The following LOXHD1 variants were observed in gnomAD, a reference collection of about 807,000 sequenced individuals.
LOXHD1 encodes the protein lipoxygenase homology PLAT domains 1.
Under a neutral mutation model 248.2 loss-of-function variants are expected in LOXHD1, and 205 were observed. The observed-to-expected ratio is 0.83, with a 90% CI of 0.74 to 0.93. The LOEUF is 0.93. Ranked by LOEUF, LOXHD1 falls within the 40% of genes least tolerant of loss-of-function variation. The pLI, the probability that LOXHD1 is intolerant of heterozygous loss-of-function variation, is 0.00. For synonymous variants in LOXHD1, 1,113 were observed against 1,162.8 expected, an observed-to-expected ratio of 0.96 and a Z score of 0.87; for missense variants, 2,930 against 2,971.6, an observed-to-expected ratio of 0.99 and a Z score of 0.33.
At position 46,642,038 on chromosome 18, in the gene LOXHD1, T is replaced by C. The variant is rs763062406; in HGVS notation, c.246-2A>G. 12 of 1,552,066 alleles carry C rather than the reference T, an allele frequency of 7.7e-6. No homozygotes were observed. The highest frequency in any genetic ancestry group is 1.0e-5 in the Non-Finnish European group (12 of 1,147,032). On this transcript the variant is annotated splice_acceptor_variant, in intron 2 of 40. Coordinates refer to ENST00000642948, the MANE Select transcript of LOXHD1 (RefSeq NM_001384474.1). LOFTEE classifies it high-confidence loss of function. ...CCCTTCTCAAAGGCAGACTTGCTCC[T>C]GCAATGAACACGTGCAGTTAGTGCA...
At chr18:46,555,031 C>A in intron 21 of LOXHD1, 2 of 414,658 alleles carry the variant, frequency 4.8e-6, no homozygotes, top group Non-Finnish European at 1.0e-5. Flanking sequence ...GGGACAAGTA[C>A]TGACAGGCAT....
In LOXHD1 at chr18:46,560,338, G is replaced by T. The variant is rs997603211; in HGVS notation, c.2806C>A (p.Leu936Met). 6.4e-7 allele frequency: 1 copy of T among 1,551,898 alleles called. No individual in the cohort carries two copies. The highest frequency in any genetic ancestry group is 1.4e-5 in the African/African-American group (1 of 73,002). The change falls in exon 19 of 41, where the codon CTG becomes ATG. Residue 936 changes from leucine (L) to methionine (M), a missense_variant. Leu to Met is a conservative substitution (Grantham distance 15). Coordinates refer to ENST00000642948, the MANE Select transcript of LOXHD1 (RefSeq NM_001384474.1). ...LLKKERLKAK[L>M]QRKKKKRKGS... The stretch of plus-strand genomic sequence containing the variant: ...TTCCTCTTCTTCTTCTTCCTCTGCA[G>T]CTTGGCCTTCAGCCGCTCCTTCTTG...
At chr18:46,503,025 G>A (rs2034333535) in intron 37 of LOXHD1, among the ~76,000 whole-genome samples, 1 of 152,248 alleles carries the variant, frequency 6.6e-6, no homozygotes, top group Non-Finnish European at 1.5e-5. Context: ...GCTCTCTGGG[G>A]GGAGTCTCAA....
intron 37 of LOXHD1, among the ~76,000 whole-genome samples, chr18:46,495,109 C>T (rs2033772443): frequency 6.6e-6 from 1 of 152,178 alleles, no homozygotes; most frequent in Non-Finnish European, 1.5e-5. Flanking sequence ...CAGCCTCGGC[C>T]TCCCAAAGTG....
chr18:46,501,431 G>T (rs935195326), intron 37 of LOXHD1, among the ~76,000 whole-genome samples: 1 of 152,136 alleles, frequency 6.6e-6, no homozygotes, highest in Non-Finnish European at 1.5e-5. Context: ...ATAGTGGTTG[G>T]TCCTCAAGCT....
At chr18:46,642,707 A>G (rs1341597416) in intron 2 of LOXHD1, among the ~76,000 whole-genome samples, 1 of 152,246 alleles carries the variant, frequency 6.6e-6, no homozygotes, top group Non-Finnish European at 1.5e-5. Context: ...GAGCATCCTA[A>G]GTACAGTGAG....
intron 39 of LOXHD1, 101 bp downstream of exon 39, chr18:46,484,918 G>A (rs1237772532): frequency 2.1e-6 from 3 of 1,396,706 alleles, no homozygotes; most frequent in Non-Finnish European, 2.9e-6. Flanking sequence ...TGCTGGTTAG[G>A]CCCATTTGTG....
intron 21 of LOXHD1, among the ~76,000 whole-genome samples, chr18:46,548,489 AG>A (rs745756392): frequency 5.9e-5 from 9 of 152,256 alleles, no homozygotes; most frequent in African/African-American, 9.6e-5. Flanking sequence ...ATGGATTTAA[AG>A]GAGCTCGACC....
intron 12 of LOXHD1, among the ~76,000 whole-genome samples, chr18:46,580,081 G>A (rs886361413): frequency 6.6e-5 from 10 of 152,208 alleles, no homozygotes; most frequent in African/African-American, 2.4e-4. Context: ...AGTATCCTCT[G>A]GGAAACTTTT....
chr18:46,540,715 T>A (rs986031291), intron 25 of LOXHD1, among the ~76,000 whole-genome samples: 4 of 136,984 alleles, frequency 2.9e-5, no homozygotes, highest in Non-Finnish European at 6.1e-5. Context: ...GAGAAATGGA[T>A]ACGTTTGTCC....
chr18:46,565,866 G>A (rs1157973018), intron 17 of LOXHD1, among the ~76,000 whole-genome samples: 1 of 151,856 alleles, frequency 6.6e-6, no homozygotes, highest in African/African-American at 2.4e-5. Context: ...CCATGGATGT[G>A]GAGGGCTGAC....
At chr18:46,500,340 G>A (rs537830263) in intron 37 of LOXHD1, among the ~76,000 whole-genome samples, 1 of 152,286 alleles carries the variant, frequency 6.6e-6, no homozygotes, top group African/African-American at 2.4e-5. Context: ...CATCACAGAT[G>A]TCACTCAGGC....
At chr18:46,563,002 A>G in intron 18 of LOXHD1, 63 bp downstream of exon 18, 2 of 1,498,946 alleles carry the variant, frequency 1.3e-6, no homozygotes, top group Non-Finnish European at 1.8e-6. Context: ...TAGTACACCC[A>G]GGGAAGCATC....
At chr18:46,594,214 A>T in intron 9 of LOXHD1, 117 bp downstream of exon 9, 2 of 1,332,676 alleles carry the variant, frequency 1.5e-6, no homozygotes, top group Non-Finnish European at 2.0e-6. Context: ...TCCTTTCTGG[A>T]GGAGACTTGA....
intron 15 of LOXHD1, among the ~76,000 whole-genome samples, chr18:46,570,794 T>C (rs955252895): frequency 2.0e-5 from 3 of 152,226 alleles, no homozygotes; most frequent in African/African-American, 7.2e-5. Flanking sequence ...GTTTACAAAT[T>C]TGTGTTGGGC....
At chr18:46,512,234 C>T (rs1205249641) in intron 34 of LOXHD1, among the ~76,000 whole-genome samples, 2 of 152,142 alleles carry the variant, frequency 1.3e-5, no homozygotes, top group Non-Finnish European at 2.9e-5. Context: ...TGAAGACTGG[C>T]CTTTAGAGAT....
At chr18:46,614,284 G>A (rs1449472394) in intron 5 of LOXHD1, among the ~76,000 whole-genome samples, 1 of 152,164 alleles carries the variant, frequency 6.6e-6, no homozygotes, top group Non-Finnish European at 1.5e-5. Context: ...GTTTATTGCG[G>A]CACTATTCAC....
chr18:46,526,198 C>T (rs980736726), intron 29 of LOXHD1, among the ~76,000 whole-genome samples: 7 of 152,204 alleles, frequency 4.6e-5, no homozygotes, highest in African/African-American at 1.7e-4. Flanking sequence ...AAGACCTTCA[C>T]ATTGCACAAG....
intron 4 of LOXHD1, among the ~76,000 whole-genome samples, chr18:46,621,814 C>T (rs1464816243): frequency 1.3e-5 from 2 of 152,082 alleles, no homozygotes; most frequent in East Asian, 3.9e-4. Flanking sequence ...GAAATAATTC[C>T]CATGTGAGCC....
Sources: allele counts gnomAD v4.1 joint callset (sites outside exome capture counted in the v4.1 genomes callset), GRCh38; gene constraint gnomAD v4.1.1; transcripts MANE v1.5; gene names NCBI Gene and HGNC (gene_info 2026-07-23, HGNC 2026-07-21).